Variants in PRKDC observed in about 807,000 individuals in gnomAD.
PRKDC encodes the protein DNA-dependent protein kinase catalytic subunit.
A neutral mutation model predicts 486.9 loss-of-function variants in PRKDC; 82 were observed. The observed-to-expected ratio is 0.17, with a 90% CI of 0.14 to 0.20. The LOEUF is 0.20. Ranked by LOEUF, PRKDC falls within the 10% of genes least tolerant of loss-of-function variation. PRKDC has a pLI of 1.00. For missense variants in PRKDC, 4,504 were observed against 5,038.2 expected (o/e 0.89, Z 3.21); for synonymous variants, 1,895 against 1,837.0 (o/e 1.03, Z -0.81).
intron 4 of PRKDC, 94 bp from the exon 5 acceptor site, chr8:47,954,540 G>A (rs998413866): frequency 2.0e-5 from 9 of 458,278 alleles, no homozygotes; most frequent in African/African-American, 8.1e-5. Flanking sequence ...GGGAAATAAC[G>A]GGATTCCTCT....
At chr8:47,876,979 G>A (rs2089104792) in intron 40 of PRKDC, among the ~76,000 whole-genome samples, 2 of 152,168 alleles carry the variant, frequency 1.3e-5, no homozygotes, top group Non-Finnish European at 2.9e-5. Context: ...CTAATGCCGT[G>A]AATAAGAAGT....
chr8:47,824,073 T>G (rs550184890), intron 63 of PRKDC, 77 bp from the exon 64 acceptor site: 2 of 1,305,386 alleles, frequency 1.5e-6, no homozygotes, highest in African/African-American at 1.5e-5. Context: ...GAAATGATAG[T>G]AAATCAAGTT....
In PRKDC at chr8:47,849,216, C is replaced by T. The variant is rs758743986; in HGVS notation, c.7218G>A (p.Glu2406=). 9.9e-6 allele frequency: 16 copies of T among 1,613,892 alleles called. No homozygotes were observed. The highest frequency in any genetic ancestry group is 1.3e-5 in the Non-Finnish European group (15 of 1,179,904). Residue 2406 remains glutamate, a synonymous_variant, in exon 54 of 86, where the codon GAG becomes GAA. Transcript: ENST00000314191. ...ACTGGAAGTACAGCTCTGTCATTCC[C>T]TCCACACGACAAAGTACCACCTCCA... ...LCLEVVLCRV[E]GMTELYFQLK... is the part of the protein sequence containing the mutation.
intron 71 of PRKDC, among the ~76,000 whole-genome samples, chr8:47,799,826 A>G (rs1048319681): frequency 3.3e-5 from 5 of 152,216 alleles, no homozygotes; most frequent in African/African-American, 1.2e-4. Context: ...ATTGAAAAAA[A>G]CAAAATAATC....
chr8:47,905,086 AC>A, intron 25 of PRKDC, 110 bp from the exon 26 acceptor site: 3 of 738,256 alleles, frequency 4.1e-6, no homozygotes, highest in Non-Finnish European at 6.6e-6. Context: ...TAATACTACT[AC>A]CATGGTTGTA....
chr8:47,890,609 C>A, intron 31 of PRKDC, 129 bp from the exon 32 acceptor site: 1 of 597,832 alleles, frequency 1.7e-6, no homozygotes, highest in South Asian at 2.6e-5. Context: ...TCAAAAGAAA[C>A]AAACAGCTTA....
At chr8:47,937,327 T>C (rs1204226246) in intron 11 of PRKDC, among the ~76,000 whole-genome samples, 1 of 152,182 alleles carries the variant, frequency 6.6e-6, no homozygotes, top group Non-Finnish European at 1.5e-5. Context: ...TGTAACCACA[T>C]TTTAAATATT....
chr8:47,898,587 G>C lies in PRKDC; in HGVS notation c.3365-18C>G. Reference sequence around the variant, plus strand: ...AATTGTACCTGTTCTCAAGTACAGAGACATATTTCCAAAGAAGGCATATAT... The same window carrying C: ...AATTGTACCTGTTCTCAAGTACAGACACATATTTCCAAAGAAGGCATATAT... On this transcript the variant is annotated intron_variant, in intron 28 of 85. Coordinates refer to ENST00000314191, the MANE Select transcript of PRKDC (RefSeq NM_006904.7). 7.6e-7 allele frequency: 1 copy of C among 1,319,078 alleles called. No homozygotes were observed. Among genetic ancestry groups the C allele is most frequent in the Non-Finnish European group, 9.9e-7 (1 of 1,008,250 alleles). 81.7% of individuals were successfully genotyped at this position (1,319,078 alleles called of 1,614,324 possible). A position where few individuals can be genotyped will look rare whatever the true frequency, so the allele number is the denominator to read the frequency against.
At chr8:47,817,910 C>T (rs941680624) in intron 67 of PRKDC, among the ~76,000 whole-genome samples, 3 of 152,142 alleles carry the variant, frequency 2.0e-5, no homozygotes, top group African/African-American at 7.2e-5. Context: ...AAAATCTGAT[C>T]TTCATTGGTA....
intron 5 of PRKDC, 124 bp downstream of exon 5, chr8:47,954,214 T>C (rs8178004): frequency 1.2e-5 from 6 of 503,748 alleles, no homozygotes; most frequent in Admixed American, 4.0e-5. Context: ...TTTTGGTTTA[T>C]TTTCAGCAAA....
At chr8:47,955,461 C>CAAAAAAAAAA (rs746883720) in intron 4 of PRKDC, among the ~76,000 whole-genome samples, 3 of 18,520 alleles carry the variant, frequency 1.6e-4, no homozygotes, top group Non-Finnish European at 2.6e-4. Context: ...GACTCCGTCT[C>CAAAAAAAAAA]AAAAAAAAAA....
intron 28 of PRKDC, among the ~76,000 whole-genome samples, chr8:47,899,304 TAG>T (rs1267100806): frequency 1.3e-5 from 2 of 152,232 alleles, no homozygotes; most frequent in African/African-American, 4.8e-5. Context: ...TTGCCCACAG[TAG>T]ACTATCAACA....
chr8:47,889,106 A>T lies in PRKDC; in HGVS notation c.4188T>A (p.Pro1396=), dbSNP rs912738675. ...CTTTCATCAGATTCACACAAACATC[A>T]GGAAGATGAGCCATAACCTGGACGT... ...IGDVQVMAHL[P]DVCVNLMKAL... is the part of the protein sequence containing the mutation. Residue 1396 remains proline (P), a synonymous_variant, in exon 33 of 86, where the codon CCT becomes CCA. Transcript: ENST00000314191. 4 of 1,614,022 alleles carry T rather than the reference A, an allele frequency of 2.5e-6. No individual in the cohort carries two copies. The South Asian group carries it at 4.4e-5, about 18-fold the overall frequency.
intron 76 of PRKDC, 146 bp downstream of exon 76, chr8:47,788,760 G>C: frequency 1.2e-6 from 1 of 865,714 alleles, no homozygotes; most frequent in Non-Finnish European, 1.6e-6. Flanking sequence ...GAAAGCATGA[G>C]ACCTAAAGCA....
Position 47,863,472 on chromosome 8 carries a change from C to T in PRKDC, c.5677G>A (p.Glu1893Lys), listed in dbSNP as rs2088724799. The change falls in exon 42 of 86, where the codon GAA becomes AAA. Residue 1893 changes from glutamate (E) to lysine (K), a missense_variant. Physicochemically the swap from Glu to Lys is moderately conservative, Grantham distance 56 (BLOSUM62 1). Around this residue, in one of 6 missense-constraint regions of PRKDC, gnomAD observed 80 missense variants for 132.3 expected, o/e 0.60. Transcript: ENST00000314191. ...RLPKDDVHAK[E>K]SKINQVFHGS... is the part of the protein sequence containing the mutation. ...TGGAAAACTTGATTAATTTTTGATTCCTTAGCATGAACATCATCTTTGGGA... is the reference window on the plus strand; with the variant it reads ...TGGAAAACTTGATTAATTTTTGATTTCTTAGCATGAACATCATCTTTGGGA... 6.2e-7 allele frequency: 1 copy of T among 1,611,938 alleles called. No homozygotes were observed.
intron 40 of PRKDC, among the ~76,000 whole-genome samples, chr8:47,870,235 AGTGCT>A (rs1004867810): frequency 4.1e-4 from 62 of 152,338 alleles, no homozygotes; most frequent in Admixed American, 1.1e-3. Context: ...AGTGAGACCC[AGTGCT>A]GTGCTGTGCT....
intron 21 of PRKDC, among the ~76,000 whole-genome samples, chr8:47,925,063 G>A (rs1348944170): frequency 6.6e-6 from 1 of 152,104 alleles, no homozygotes; most frequent in African/African-American, 2.4e-5. Context: ...CCCATGCCAG[G>A]CCACCCCATG....
chr8:47,794,170 A>C (rs2086937177), intron 74 of PRKDC, 120 bp downstream of exon 74: 4 of 817,060 alleles, frequency 4.9e-6, no homozygotes, highest in South Asian at 3.6e-5. Flanking sequence ...GGCTAAGATT[A>C]TTCTTCAATG....
At position 47,902,948 on chromosome 8, in the gene PRKDC, C is replaced by G. The variant is rs529694422; in HGVS notation, c.3043-153G>C. On this transcript the variant is annotated intron_variant, in intron 26 of 85. Coordinates refer to ENST00000314191, the MANE Select transcript of PRKDC (RefSeq NM_006904.7). ...AAATAAACATTAGTAAAACCAATCT[C>G]CATAGTGTATCCAGAATCTAGGCTT... 2.0e-5 allele frequency among the ~76,000 whole-genome samples: 3 copies of G among 152,284 alleles called. No individual in the cohort carries two copies. In the South Asian group the frequency reaches 6.2e-4, roughly 32 times the overall value.
Sources: allele counts gnomAD v4.1 joint callset (sites outside exome capture counted in the v4.1 genomes callset), GRCh38; gene constraint gnomAD v4.1.1; regional missense constraint gnomAD v4.1.1; transcripts MANE v1.5; gene names NCBI Gene and HGNC (gene_info 2026-07-23, HGNC 2026-07-21).